The following PRICKLE2 variants were observed in gnomAD, a reference collection of about 807,000 sequenced individuals.
PRICKLE2 encodes prickle-like protein 2.
PRICKLE2 carries 21 observed loss-of-function variants against 81.4 expected under a neutral mutation model. That is an observed-to-expected ratio of 0.26 (90% CI 0.18 to 0.37). PRICKLE2 has a LOEUF of 0.37. Among genes scored for constraint, PRICKLE2 ranks in the 10% least tolerant of loss-of-function variants. The probability of loss-of-function intolerance (pLI) is 1.00; values close to 1 mark genes in which losing one functional copy is unlikely to be tolerated. For synonymous variants in PRICKLE2, 456 were observed against 421.5 expected, an observed-to-expected ratio of 1.08 and a Z score of -1.00; for missense variants, 940 against 1,109.0, an observed-to-expected ratio of 0.85 and a Z score of 2.16.
intron 2 of PRICKLE2, among the ~76,000 whole-genome samples, chr3:64,171,827 C>A (rs1177331053): frequency 6.6e-6 from 1 of 152,076 alleles, no homozygotes; most frequent in Non-Finnish European, 1.5e-5. Flanking sequence ...GGTGGAGATG[C>A]TAAGTAAAGG....
intron 2 of PRICKLE2, among the ~76,000 whole-genome samples, chr3:64,178,409 A>G (rs1167429198): frequency 1.3e-5 from 2 of 152,204 alleles, no homozygotes; most frequent in Admixed American, 1.3e-4. Flanking sequence ...AGAGAAAAGG[A>G]TGGTTGGAGC....
intron 4 of PRICKLE2, among the ~76,000 whole-genome samples, chr3:64,159,708 T>C (rs2077698696): frequency 6.6e-6 from 1 of 152,224 alleles, no homozygotes; most frequent in Non-Finnish European, 1.5e-5. Flanking sequence ...TTCCAGTACA[T>C]TCAAGTCTCC....
intron 2 of PRICKLE2, among the ~76,000 whole-genome samples, chr3:64,240,499 G>A (rs1027884776): frequency 3.3e-5 from 5 of 152,208 alleles, no homozygotes; most frequent in East Asian, 1.9e-4. Context: ...CAGGACTCCC[G>A]GGATCCACAG....
In PRICKLE2 at chr3:64,147,114, C is replaced by A. The variant is rs1487385707; in HGVS notation, c.1376G>T (p.Gly459Val). ...TTCCTTGATGAAGCTGCCAGCATGT[C>A]CTGTCATGGCCAGTGACGAGCTCCT... is the stretch of plus-strand genomic sequence containing the variant. ...PKRSSSLAMTGHAGSFIKECR... is the reference protein window; with the variant it reads ...PKRSSSLAMTVHAGSFIKECR... Residue 459 changes from glycine (G) to valine (V), a missense_variant, in exon 7 of 8, where the codon GGA becomes GTA. Physicochemically the swap from Gly to Val is moderately radical, Grantham distance 109. Around this residue, in one of 2 missense-constraint regions of PRICKLE2, gnomAD observed 670 missense variants for 717.2 expected, o/e 0.93. Coordinates refer to ENST00000638394, the MANE Select transcript of PRICKLE2 (RefSeq NM_198859.4). This position sits in a 1 kb window ranked among gnomAD's most constrained non-coding sequence, Gnocchi z 5.0. The A allele has an allele frequency of 3.7e-6, 6 of 1,614,044 alleles. No individual in the cohort carries two copies. In the South Asian group the frequency reaches 6.6e-5, roughly 18 times the overall value.
At chr3:64,171,578 C>T (rs888347428) in intron 2 of PRICKLE2, among the ~76,000 whole-genome samples, 1 of 152,182 alleles carries the variant, frequency 6.6e-6, no homozygotes, top group African/African-American at 2.4e-5. Flanking sequence ...TTGCTGTATA[C>T]CCCCAGAAGA....
chr3:64,195,406 A>C (rs901144194), intron 2 of PRICKLE2, among the ~76,000 whole-genome samples: 2 of 152,248 alleles, frequency 1.3e-5, no homozygotes, highest in Admixed American at 6.5e-5. Context: ...TAAAATAATA[A>C]AGAGTATCAC....
chr3:64,259,772 C>A (rs1275337255), intron 2 of PRICKLE2, among the ~76,000 whole-genome samples: 1 of 152,056 alleles, frequency 6.6e-6, no homozygotes, highest in Non-Finnish European at 1.5e-5. Context: ...TGGAGTGATG[C>A]GGCTGTAACC....
chr3:64,241,636 C>T (rs1465673569), intron 2 of PRICKLE2, among the ~76,000 whole-genome samples: 3 of 152,166 alleles, frequency 2.0e-5, no homozygotes, highest in Non-Finnish European at 2.9e-5. Context: ...GGATGAGGGC[C>T]ACAGCTCTTG....
rs76360226 is a variant in PRICKLE2, at chr3:64,143,412, C to T, written c.1660+3418G>A. On this transcript the variant is annotated intron_variant, in intron 7 of 7. Transcript: ENST00000638394. ...GCATTAGTTGCTTTGCCCAAGGATC[C>T]TAGAAAATCATGAGAGTAAATCTCC... Among the ~76,000 whole-genome samples the T allele has an allele frequency of 2.7e-4, 41 of 152,198 alleles. No individual in the cohort carries two copies. In the East Asian group the frequency reaches 7.9e-3, roughly 29 times the overall value.
intron 5 of PRICKLE2, chr3:64,154,395 A>C: frequency 6.6e-6 from 1 of 151,612 alleles, no homozygotes; most frequent in East Asian, 1.9e-4. Context: ...AAAAAAAAAA[A>C]AATAGCCAGG....
chr3:64,204,533 T>A (rs551118299), intron 1 of PRICKLE2, among the ~76,000 whole-genome samples: 1 of 151,906 alleles, frequency 6.6e-6, no homozygotes, highest in South Asian at 2.1e-4. Context: ...ATCTATCTGA[T>A]TCCAACCACA....
chr3:64,187,260 A>G (rs2078251613), intron 2 of PRICKLE2, among the ~76,000 whole-genome samples: 1 of 152,244 alleles, frequency 6.6e-6, no homozygotes, highest in African/African-American at 2.4e-5. Flanking sequence ...AGCTGCACAC[A>G]CAGGCATATT....
chr3:64,102,911 G>A (rs1306442022), intron 7 of PRICKLE2: 1 of 152,120 alleles, frequency 6.6e-6, no homozygotes, highest in East Asian at 1.9e-4. Context: ...GTGGTAAATG[G>A]CCCAGATGGA....
Position 64,097,230 on chromosome 3 carries a change from G to T in PRICKLE2, c.*1821C>A, listed in dbSNP as rs190669017. 3.8e-4 allele frequency: 58 copies of T among 152,672 alleles called. No homozygotes were observed. Among genetic ancestry groups the T allele is most frequent in the African/African-American group, 1.3e-3 (55 of 41,538 alleles). The allele number at this position is 152,672 out of a possible 1,614,324, so 9.5% of individuals were successfully genotyped here. On this transcript the variant is annotated 3_prime_UTR_variant, in exon 8 of 8. Transcript: ENST00000638394. ...AAAGCAAATTATTTTAATACATCCCGAATGGAGTGCCATTACCATGTCCTT... is the reference window on the plus strand; with the variant it reads ...AAAGCAAATTATTTTAATACATCCCTAATGGAGTGCCATTACCATGTCCTT...
intron 2 of PRICKLE2, among the ~76,000 whole-genome samples, chr3:64,235,580 G>A (rs372911561): frequency 7.2e-4 from 109 of 152,310 alleles, no homozygotes; most frequent in African/African-American, 2.5e-3. Context: ...CTAGTGGCTA[G>A]GCAGACAAGT....
intron 2 of PRICKLE2, among the ~76,000 whole-genome samples, chr3:64,171,815 T>C (rs1048352922): frequency 2.6e-5 from 4 of 152,156 alleles, no homozygotes; most frequent in African/African-American, 9.7e-5. Flanking sequence ...TGCTGTGGGG[T>C]GGGTGGAGAT....
rs182186663 is a variant in PRICKLE2, at chr3:64,256,733, A to G, written c.129-57766T>C. On this transcript the variant is annotated intron_variant, in intron 2 of 8. Coordinates refer to the PRICKLE2 transcript ENST00000295902. ...ATAAAAAATTTCCAGAGTCAACCTC[A>G]CCCCTTCCAAGCATCTCCACCTTCT... Among the ~76,000 whole-genome samples the G allele has an allele frequency of 2.6e-3, 390 of 152,298 alleles. 4 individuals are homozygous for G. The highest frequency in any genetic ancestry group is 8.3e-3 in the African/African-American group (344 of 41,574).
intron 7 of PRICKLE2, among the ~76,000 whole-genome samples, chr3:64,117,221 A>G (rs1070070): frequency 0.77 from 116,457 of 152,120 alleles, 46,507 homozygotes; most frequent in Non-Finnish European, 0.88. Flanking sequence ...AGAGCCATCC[A>G]TGACAAACCC....
chr3:64,098,573 T>A lies in PRICKLE2; in HGVS notation c.*478A>T, dbSNP rs1367020471. ...CAAGTCCCCACTGAGTCCTACGATA[T>A]AGAAATTCCTTTGATATTACAAAAT... is the stretch of plus-strand genomic sequence containing the variant. On this transcript the variant is annotated 3_prime_UTR_variant, in exon 8 of 8. Transcript: ENST00000638394. 2 of 172,692 alleles carry A rather than the reference T, an allele frequency of 1.2e-5. No individual in the cohort carries two copies. The highest frequency in any genetic ancestry group is 2.5e-5 in the Non-Finnish European group (2 of 80,026). 10.7% of individuals were successfully genotyped at this position (172,692 alleles called of 1,614,324 possible). A position where few individuals can be genotyped will look rare whatever the true frequency, so the allele number is the denominator to read the frequency against.
Sources: gnomAD v4.1 joint callset for allele counts (sites outside exome capture counted in the v4.1 genomes callset) on GRCh38, gnomAD v4.1.1 for gene constraint, gnomAD v4.1.1 regional missense constraint, Gnocchi (gnomAD v3.1) non-coding constraint, MANE v1.5 for transcripts, NCBI Gene and HGNC (gene_info 2026-07-23, HGNC 2026-07-21) for gene names.